The following MXI1 variants were observed in gnomAD, a reference collection of about 807,000 sequenced individuals.
The protein encoded by MXI1 is MAX interactor 1, dimerization protein, also known as max-interacting protein 1.
MXI1 carries 18 observed loss-of-function variants against 36.9 expected under a neutral mutation model. That is an observed-to-expected ratio of 0.49 (90% CI 0.34 to 0.72). The LOEUF (loss-of-function observed/expected upper bound fraction) is 0.72, where lower values mean the gene tolerates loss of function less well. Ranked by LOEUF, MXI1 falls within the 30% of genes least tolerant of loss-of-function variation. The pLI, the probability that MXI1 is intolerant of heterozygous loss-of-function variation, is 0.01. For missense variants in MXI1, 304 were observed against 379.1 expected, an observed-to-expected ratio of 0.80 and a Z score of 1.64; for synonymous variants, 160 against 146.7, an observed-to-expected ratio of 1.09 and a Z score of -0.65.
chr10:110,271,396 C>T (rs886206617), intron 3 of MXI1, among the ~76,000 whole-genome samples: 1 of 152,158 alleles, frequency 6.6e-6, no homozygotes, highest in African/African-American at 2.4e-5. Context: ...GTGTGCCAGT[C>T]ATTCTGTTTA....
intron 2 of MXI1, among the ~76,000 whole-genome samples, chr10:110,236,124 CTTT>C (rs60576710): frequency 1.1e-3 from 37 of 33,522 alleles, no homozygotes; most frequent in Non-Finnish European, 1.4e-3. Flanking sequence ...GGTTGAAGTT[CTTT>C]TTTTTTTTTT....
intron 3 of MXI1, among the ~76,000 whole-genome samples, chr10:110,252,299 A>G (rs998840853): frequency 3.3e-5 from 5 of 152,198 alleles, no homozygotes; most frequent in Non-Finnish European, 1.5e-5. Flanking sequence ...AAATTGAGTC[A>G]TTTCTCTATT....
At chr10:110,229,511 C>T (rs1345678180) in intron 2 of MXI1, among the ~76,000 whole-genome samples, 1 of 152,186 alleles carries the variant, frequency 6.6e-6, no homozygotes. Context: ...TTTCAGACAT[C>T]ACCGAGGAAA....
intron 3 of MXI1, among the ~76,000 whole-genome samples, chr10:110,251,353 A>T (rs1418308499): frequency 6.6e-6 from 1 of 152,118 alleles, no homozygotes; most frequent in South Asian, 2.1e-4. Flanking sequence ...AATAAATACC[A>T]TGTGTGGCAT....
chr10:110,280,790 G>T (rs1052587734), intron 5 of MXI1, among the ~76,000 whole-genome samples: 1 of 152,006 alleles, frequency 6.6e-6, no homozygotes, highest in Non-Finnish European at 1.5e-5. Context: ...TTTATATGTA[G>T]ATTTTAAAGT....
chr10:110,227,958 G>A, intron 1 of MXI1: 1 of 506,146 alleles, frequency 2.0e-6, no homozygotes, highest in Non-Finnish European at 3.5e-6. Flanking sequence ...TTGGAAAGGG[G>A]GGATAAACTC....
chr10:110,256,539 G>A (rs981804920), intron 3 of MXI1, among the ~76,000 whole-genome samples: 1 of 135,266 alleles, frequency 7.4e-6, no homozygotes, highest in Non-Finnish European at 1.5e-5. Context: ...GGCAGCAGAG[G>A]TTGCAGTGAG....
At chr10:110,239,888 G>A (rs1183853014) in intron 2 of MXI1, among the ~76,000 whole-genome samples, 1 of 150,880 alleles carries the variant, frequency 6.6e-6, no homozygotes, top group Non-Finnish European at 1.5e-5. Flanking sequence ...GCCCCCTCCT[G>A]ACTTTTCCAG....
intron 3 of MXI1, among the ~76,000 whole-genome samples, chr10:110,245,582 A>G (rs1160813009): frequency 1.3e-5 from 2 of 152,296 alleles, no homozygotes; most frequent in South Asian, 4.1e-4. Flanking sequence ...GTGTGACTAT[A>G]AAAGATTGTA....
chr10:110,238,864 TA>T (rs1855564734), intron 2 of MXI1, among the ~76,000 whole-genome samples: 1 of 152,210 alleles, frequency 6.6e-6, no homozygotes, highest in Non-Finnish European at 1.5e-5. Flanking sequence ...ATTATTGGCA[TA>T]AAGTTGTTAA....
At chr10:110,226,093 T>A in intron 1 of MXI1, 1 of 1,124,518 alleles carries the variant, frequency 8.9e-7, no homozygotes, top group Non-Finnish European at 1.1e-6. Context: ...GCGGCCGAGC[T>A]GGCCCGCCCG....
At position 110,226,273 on chromosome 10, in the gene MXI1, C is replaced by T. The variant is rs1224372512; in HGVS notation, c.275-1916C>T. ...TGGAGGCTGCCGAGTTTTTGGAGCG[C>T]CGGGAGCGAGGTAATGGCTGGGCGC... On this transcript the variant is annotated intron_variant, in intron 1 of 5. Coordinates refer to ENST00000332674, the MANE Select transcript of MXI1 (RefSeq NM_130439.3). The T allele has an allele frequency of 4.0e-6, 6 of 1,497,446 alleles. No individual in the cohort carries two copies. In the East Asian group the frequency reaches 1.4e-4, roughly 34 times the overall value. The allele number at this position is 1,497,446 out of a possible 1,614,324, so 92.8% of individuals were successfully genotyped here.
intron 1 of MXI1, chr10:110,210,111 C>T (rs1442480903): frequency 6.9e-6 from 2 of 289,056 alleles, no homozygotes; most frequent in Non-Finnish European, 1.0e-5. Flanking sequence ...CCGGCGTGGC[C>T]ACCAGTCACG....
intron 3 of MXI1, among the ~76,000 whole-genome samples, chr10:110,267,530 C>T (rs1856715781): frequency 6.6e-6 from 1 of 152,116 alleles, no homozygotes; most frequent in Admixed American, 6.6e-5. Flanking sequence ...GCCTGATTCA[C>T]AATTATTCCT....
At chr10:110,255,760 AT>A (rs1856264624) in intron 3 of MXI1, among the ~76,000 whole-genome samples, 1 of 152,160 alleles carries the variant, frequency 6.6e-6, no homozygotes, top group African/African-American at 2.4e-5. Flanking sequence ...TGATCTATAG[AT>A]TCAGTGCAAG....
At chr10:110,214,038 G>A (rs1199713087) in intron 1 of MXI1, among the ~76,000 whole-genome samples, 1 of 152,234 alleles carries the variant, frequency 6.6e-6, no homozygotes, top group African/African-American at 2.4e-5. Flanking sequence ...GGGAACTGAG[G>A]AGCAGGGATG....
At chr10:110,244,611 A>G (rs1855792433) in intron 2 of MXI1, among the ~76,000 whole-genome samples, 1 of 152,100 alleles carries the variant, frequency 6.6e-6, no homozygotes, top group African/African-American at 2.4e-5. Flanking sequence ...CTCCAGTTTC[A>G]GACTGTTAAG....
intron 3 of MXI1, among the ~76,000 whole-genome samples, chr10:110,267,898 A>G (rs3793889): frequency 0.092 from 14,059 of 152,242 alleles, 1,126 homozygotes; most frequent in East Asian, 0.3. Context: ...TTATTTTCCA[A>G]AATGTCAAAG....
chr10:110,238,301 A>G (rs1260111585), intron 2 of MXI1, among the ~76,000 whole-genome samples: 1 of 152,146 alleles, frequency 6.6e-6, no homozygotes, highest in Admixed American at 6.5e-5. Context: ...ACCATCCCCT[A>G]TCCTGAGTTA....
Sources: allele counts gnomAD v4.1 joint callset (sites outside exome capture counted in the v4.1 genomes callset), GRCh38; gene constraint gnomAD v4.1.1; transcripts MANE v1.5; gene names NCBI Gene and HGNC (gene_info 2026-07-23, HGNC 2026-07-21).